Variants in CHST9 observed in about 807,000 individuals in gnomAD.
CHST9 encodes GalNAc-4-sulfotransferase 2.
A neutral mutation model predicts 44.4 loss-of-function variants in CHST9; 41 were observed. The observed-to-expected ratio is 0.92, with a 90% CI of 0.72 to 1.20. The LOEUF (loss-of-function observed/expected upper bound fraction) is 1.20. Ranked by LOEUF, CHST9 falls within the 50% of genes most tolerant of loss-of-function variation. The pLI is 0.00. For synonymous variants in CHST9, 171 were observed against 178.4 expected (o/e 0.96, Z 0.33); for missense variants, 504 against 516.5 (o/e 0.98, Z 0.23).
chr18:27,161,897 T>G (rs1406657321), intron 1 of CHST9, among the ~76,000 whole-genome samples: 19 of 152,112 alleles, frequency 1.2e-4, no homozygotes, highest in Admixed American at 3.3e-4. Context: ...TTTGTTGGTT[T>G]AAAGTCTGTT....
intron 4 of CHST9, among the ~76,000 whole-genome samples, chr18:27,011,368 T>C (rs1043390870): frequency 3.3e-5 from 5 of 152,154 alleles, no homozygotes; most frequent in African/African-American, 4.8e-5. Context: ...GGCACACCAA[T>C]GCCCTGAGTG....
At chr18:27,167,968 T>C (rs1426776864) in intron 1 of CHST9, among the ~76,000 whole-genome samples, 4 of 151,930 alleles carry the variant, frequency 2.6e-5, no homozygotes, top group African/African-American at 7.3e-5. Flanking sequence ...TGGTCTAGAA[T>C]GAGCTTAGAA....
intron 4 of CHST9, among the ~76,000 whole-genome samples, chr18:26,991,666 A>T (rs894836388): frequency 1.5e-5 from 1 of 67,014 alleles, no homozygotes; most frequent in Non-Finnish European, 4.1e-5. Context: ...ACTAAGAAGC[A>T]CCTGCCAGTG....
At chr18:27,012,241 C>T (rs938163540) in intron 4 of CHST9, among the ~76,000 whole-genome samples, 1 of 152,166 alleles carries the variant, frequency 6.6e-6, no homozygotes, top group Non-Finnish European at 1.5e-5. Context: ...TAACTTTTGA[C>T]TCCCCCAAAA....
At chr18:27,125,513 T>A (rs891695570) in intron 2 of CHST9, among the ~76,000 whole-genome samples, 2 of 152,156 alleles carry the variant, frequency 1.3e-5, no homozygotes, top group Non-Finnish European at 2.9e-5. Context: ...TTGGTTTCTC[T>A]CTAAATAAAT....
chr18:27,146,898 T>A (rs2058616491), intron 1 of CHST9, among the ~76,000 whole-genome samples: 1 of 152,200 alleles, frequency 6.6e-6, no homozygotes. Flanking sequence ...GAAATATAAT[T>A]ATTTCATTCT....
rs2055402684 is a variant in CHST9, at chr18:26,908,786, A to T, written c.*7473T>A. 1.3e-5 allele frequency: 2 copies of T among 152,236 alleles called. No homozygotes were observed. The highest frequency in any genetic ancestry group is 4.1e-4 in the South Asian group (2 of 4,830). The allele number at this position is 152,236 out of a possible 1,614,324, so 9.4% of individuals were successfully genotyped here. ...GCAAAAAGAGACAAATCCTTTAATG[A>T]AGTTCAAGAAAATATACATTATAAC... is the stretch of plus-strand genomic sequence containing the variant. On this transcript the variant is annotated 3_prime_UTR_variant, in exon 6 of 6. Transcript: ENST00000618847.
chr18:27,158,748 A>C (rs2058719233), intron 1 of CHST9, among the ~76,000 whole-genome samples: 1 of 146,394 alleles, frequency 6.8e-6, no homozygotes, highest in South Asian at 2.4e-4. Flanking sequence ...CTATTTCTCC[A>C]CATCCTCTCC....
intron 4 of CHST9, among the ~76,000 whole-genome samples, chr18:26,954,945 A>G (rs1598591034): frequency 6.6e-6 from 1 of 152,092 alleles, no homozygotes; most frequent in Non-Finnish European, 1.5e-5. Flanking sequence ...TTGAACACCT[A>G]GAGTGTTCAA....
At chr18:27,135,735 A>G (rs538157305) in intron 2 of CHST9, among the ~76,000 whole-genome samples, 1 of 152,240 alleles carries the variant, frequency 6.6e-6, no homozygotes, top group Non-Finnish European at 1.5e-5. Context: ...GGTGTGGACC[A>G]AGGCACGTGT....
At chr18:27,155,983 T>G (rs1331127074) in intron 1 of CHST9, among the ~76,000 whole-genome samples, 7 of 151,854 alleles carry the variant, frequency 4.6e-5, no homozygotes. Flanking sequence ...AAAAAATAAT[T>G]CAAAGGAAAA....
At chr18:26,932,649 A>G (rs545766788) in intron 5 of CHST9, among the ~76,000 whole-genome samples, 38 of 152,248 alleles carry the variant, frequency 2.5e-4, no homozygotes, top group Non-Finnish European at 2.9e-5. Context: ...TGCTAGCTCT[A>G]TAATGCCATC....
At chr18:27,097,957 C>A (rs1268036379) in intron 2 of CHST9, among the ~76,000 whole-genome samples, 2 of 151,940 alleles carry the variant, frequency 1.3e-5, no homozygotes, top group African/African-American at 4.8e-5. Flanking sequence ...TCTTTTGGTA[C>A]CAGTATCATG....
At chr18:27,007,268 A>G (rs977881568) in intron 4 of CHST9, among the ~76,000 whole-genome samples, 2 of 152,226 alleles carry the variant, frequency 1.3e-5, no homozygotes, top group African/African-American at 2.4e-5. Flanking sequence ...AGACACAGAC[A>G]GCACAATATA....
intron 2 of CHST9, among the ~76,000 whole-genome samples, chr18:27,138,003 T>G (rs551353320): frequency 6.6e-6 from 1 of 152,166 alleles, no homozygotes; most frequent in Non-Finnish European, 1.5e-5. Context: ...CGCTTTCACC[T>G]GCCCAGCCTC....
chr18:27,112,411 C>T (rs945508501), intron 2 of CHST9, among the ~76,000 whole-genome samples: 2 of 151,594 alleles, frequency 1.3e-5, no homozygotes, highest in Admixed American at 1.3e-4. Context: ...ATAAACACAC[C>T]TTGAGGGTAA....
intron 4 of CHST9, among the ~76,000 whole-genome samples, chr18:26,974,924 C>T (rs2056598703): frequency 1.3e-5 from 2 of 152,164 alleles, no homozygotes; most frequent in South Asian, 2.1e-4. Context: ...ATCCACCTGC[C>T]TCGGACTTCC....
intron 4 of CHST9, among the ~76,000 whole-genome samples, chr18:27,016,851 C>T (rs996903927): frequency 6.6e-6 from 1 of 152,138 alleles, no homozygotes; most frequent in African/African-American, 2.4e-5. Context: ...TATTGAATCA[C>T]TGTATGCAAT....
chr18:26,961,106 G>A (rs1402865051), intron 4 of CHST9, among the ~76,000 whole-genome samples: 1 of 152,122 alleles, frequency 6.6e-6, no homozygotes, highest in Non-Finnish European at 1.5e-5. Flanking sequence ...TAACGTGCCT[G>A]GAATTGCAGC....
Sources: gnomAD v4.1 joint callset for allele counts (sites outside exome capture counted in the v4.1 genomes callset) on GRCh38, gnomAD v4.1.1 for gene constraint, MANE v1.5 for transcripts, NCBI Gene and HGNC (gene_info 2026-07-23, HGNC 2026-07-21) for gene names.